CRTC3: variants seen among roughly 807,000 people sequenced by gnomAD.
The protein encoded by CRTC3 is CREB-regulated transcription coactivator 3.
A neutral mutation model predicts 74.5 loss-of-function variants in CRTC3; 26 were observed. The ratio of observed to expected loss-of-function variants is 0.35; its 90% CI spans 0.26 to 0.48. The LOEUF (loss-of-function observed/expected upper bound fraction) is 0.48, where lower values mean the gene tolerates loss of function less well. Among genes scored for constraint, CRTC3 ranks in the 20% least tolerant of loss-of-function variants. The pLI is 0.99. For missense variants in CRTC3, 760 were observed against 787.3 expected (o/e 0.97, Z 0.41); for synonymous variants, 377 against 325.8 (o/e 1.16, Z -1.69).
chr15:90,608,447 T>G (rs975186467), intron 6 of CRTC3, among the ~76,000 whole-genome samples: 1 of 152,124 alleles, frequency 6.6e-6, no homozygotes, highest in Non-Finnish European at 1.5e-5. Context: ...TGTTCCTGTC[T>G]CTTCCTCTCT....
Position 90,617,950 on chromosome 15 carries a change from A to G in CRTC3, c.681A>G (p.Gln227=), listed in dbSNP as rs543085250. ...ATGTTCCGAAGCCACTGCCAAAACA[A>G]CTGTGGGAGACCAAGGAGGTGGGTG... ...LLNVPKPLPK[Q]LWETKEIQSL... is the part of the protein sequence containing the mutation. Residue 227 remains glutamine (Q), a synonymous_variant, in exon 8 of 15, where the codon CAA becomes CAG. Coordinates refer to ENST00000268184, the MANE Select transcript of CRTC3 (RefSeq NM_022769.5). 2.0e-5 allele frequency: 32 copies of G among 1,608,942 alleles called. 1 individual carries two copies. In the South Asian group the frequency reaches 3.1e-4, roughly 15 times the overall value.
chr15:90,561,719 C>CT lies in CRTC3; in HGVS notation c.231+21583dup, dbSNP rs766825623. Among the ~76,000 whole-genome samples the CT allele has an allele frequency of 9.3e-4, 141 of 152,334 alleles. 1 individual carries two copies. Among genetic ancestry groups the CT allele is most frequent in the Non-Finnish European group, 6.3e-4 (43 of 68,028 alleles). ...ACTACATTTAAAGTAGTGATTATCTCTAACTAGAATTTTAAGTCCCTACAT... is the reference window on the plus strand; with the variant it reads ...ACTACATTTAAAGTAGTGATTATCTCTTAACTAGAATTTTAAGTCCCTACAT... On this transcript the variant is annotated intron_variant, in intron 2 of 14. Coordinates refer to ENST00000268184, the MANE Select transcript of CRTC3 (RefSeq NM_022769.5).
intron 11 of CRTC3, among the ~76,000 whole-genome samples, chr15:90,632,146 G>A (rs1021939986): frequency 6.6e-6 from 1 of 151,576 alleles, no homozygotes; most frequent in Admixed American, 6.6e-5. Context: ...TGTTTTCGTG[G>A]TTCTTATGTT....
At chr15:90,591,756 C>T (rs1596106967) in intron 2 of CRTC3, among the ~76,000 whole-genome samples, 1 of 152,202 alleles carries the variant, frequency 6.6e-6, no homozygotes. Context: ...AAGATTGTGC[C>T]ACTGCACTCC....
chr15:90,612,064 A>ACCT (rs1449446103), intron 6 of CRTC3, among the ~76,000 whole-genome samples: 5 of 20,426 alleles, frequency 2.4e-4, no homozygotes, highest in Non-Finnish European at 5.0e-4. Context: ...CTCCGCCTCC[A>ACCT]CCTCCTCCTC....
At chr15:90,576,628 G>A (rs1032989263) in intron 2 of CRTC3, among the ~76,000 whole-genome samples, 1 of 152,164 alleles carries the variant, frequency 6.6e-6, no homozygotes, top group Non-Finnish European at 1.5e-5. Context: ...TCAGGAGTGT[G>A]CGAAGAAGAC....
intron 2 of CRTC3, among the ~76,000 whole-genome samples, chr15:90,545,786 G>C (rs185390632): frequency 3.3e-5 from 5 of 152,172 alleles, no homozygotes; most frequent in South Asian, 2.1e-4. Context: ...CACTGTGTTA[G>C]CCAGGATGGT....
chr15:90,609,592 A>G (rs945299831), intron 6 of CRTC3, among the ~76,000 whole-genome samples: 14 of 152,220 alleles, frequency 9.2e-5, no homozygotes, highest in Admixed American at 9.2e-4. Context: ...CTAGAGAAAC[A>G]AGGCAATCAC....
At chr15:90,609,846 C>T (rs1342657064) in intron 6 of CRTC3, among the ~76,000 whole-genome samples, 4 of 152,158 alleles carry the variant, frequency 2.6e-5, no homozygotes, top group South Asian at 4.1e-4. Flanking sequence ...ATCAGGGTTC[C>T]TGCGTTGACT....
intron 2 of CRTC3, among the ~76,000 whole-genome samples, chr15:90,557,562 A>C (rs188434879): frequency 6.6e-6 from 1 of 152,206 alleles, no homozygotes; most frequent in East Asian, 1.9e-4. Flanking sequence ...GACCTTTCAC[A>C]TAGTGATCTG....
intron 4 of CRTC3, among the ~76,000 whole-genome samples, chr15:90,603,360 G>A (rs983890406): frequency 1.3e-4 from 20 of 150,462 alleles, no homozygotes; most frequent in South Asian, 4.2e-4. Flanking sequence ...GGAGAATGGC[G>A]TGAACCCAGG....
chr15:90,566,223 G>C (rs537130704), intron 2 of CRTC3, among the ~76,000 whole-genome samples: 2 of 152,236 alleles, frequency 1.3e-5, no homozygotes, highest in South Asian at 4.1e-4. Flanking sequence ...AAAGTTTGAA[G>C]CTAGCAGAGG....
chr15:90,621,036 G>A (rs79472138), intron 9 of CRTC3, among the ~76,000 whole-genome samples: 3,232 of 152,244 alleles, frequency 0.021, 127 homozygotes, highest in African/African-American at 0.074. Flanking sequence ...CTGCCAGGAC[G>A]CATGCCCAAC....
At chr15:90,546,654 A>G (rs1045486727) in intron 2 of CRTC3, among the ~76,000 whole-genome samples, 1 of 151,996 alleles carries the variant, frequency 6.6e-6, no homozygotes, top group Non-Finnish European at 1.5e-5. Flanking sequence ...ACGGAGTCTC[A>G]CTCTGTTGCC....
intron 3 of CRTC3, chr15:90,598,293 A>G (rs1468032869): frequency 1.6e-6 from 1 of 617,290 alleles, no homozygotes; most frequent in Non-Finnish European, 2.9e-6. Context: ...AGCAGCACAA[A>G]GAAAGGGCCA....
At chr15:90,566,218 T>A (rs569813188) in intron 2 of CRTC3, among the ~76,000 whole-genome samples, 1 of 152,062 alleles carries the variant, frequency 6.6e-6, no homozygotes, top group Non-Finnish European at 1.5e-5. Flanking sequence ...AAAGAAAAGT[T>A]TGAAGCTAGC....
At chr15:90,554,497 C>G (rs1389163389) in intron 2 of CRTC3, among the ~76,000 whole-genome samples, 1 of 152,242 alleles carries the variant, frequency 6.6e-6, no homozygotes, top group African/African-American at 2.4e-5. Context: ...GCCACCATGA[C>G]CAGCCAAGGT....
chr15:90,613,240 C>T (rs1056853419), intron 6 of CRTC3, among the ~76,000 whole-genome samples: 2 of 150,580 alleles, frequency 1.3e-5, no homozygotes, highest in Admixed American at 1.3e-4. Context: ...CTCACACCTT[C>T]TGAATCAAAA....
intron 2 of CRTC3, among the ~76,000 whole-genome samples, chr15:90,558,624 C>T (rs1461522379): frequency 6.6e-6 from 1 of 152,112 alleles, no homozygotes; most frequent in Non-Finnish European, 1.5e-5. Context: ...CTCAGCTCCT[C>T]ACTCAAATAT....
Sources: allele counts gnomAD v4.1 joint callset (sites outside exome capture counted in the v4.1 genomes callset), GRCh38; gene constraint gnomAD v4.1.1; transcripts MANE v1.5; gene names NCBI Gene and HGNC (gene_info 2026-07-23, HGNC 2026-07-21).